The following SYT16 variants were observed in gnomAD, a reference collection of about 807,000 sequenced individuals.
The protein encoded by SYT16 is synaptotagmin-16.
In SYT16, 42 loss-of-function variants were observed where a neutral mutation model predicts 61.4. The ratio of observed to expected loss-of-function variants is 0.68; its 90% CI spans 0.53 to 0.89. The LOEUF (loss-of-function observed/expected upper bound fraction) is 0.89. Among genes scored for constraint, SYT16 ranks in the 40% least tolerant of loss-of-function variants. SYT16 has a pLI of 0.00. For synonymous variants in SYT16, 314 were observed against 302.3 expected, an observed-to-expected ratio of 1.04 and a Z score of -0.40; for missense variants, 804 against 807.3, an observed-to-expected ratio of 1.00 and a Z score of 0.05.
At chr14:62,049,616 A>G (rs914797945) in intron 3 of SYT16, among the ~76,000 whole-genome samples, 33 of 152,128 alleles carry the variant, frequency 2.2e-4, no homozygotes, top group African/African-American at 7.7e-4. Context: ...GGCTGGTACC[A>G]CTTGTTCCTT....
intron 5 of SYT16, among the ~76,000 whole-genome samples, chr14:62,076,417 G>C (rs546406215): frequency 6.6e-6 from 1 of 151,450 alleles, no homozygotes; most frequent in African/African-American, 2.4e-5. Context: ...AGGACTTGGA[G>C]TGTCACACAC....
chr14:62,062,802 C>T (rs532716708), intron 3 of SYT16, among the ~76,000 whole-genome samples: 6 of 152,224 alleles, frequency 3.9e-5, no homozygotes, highest in South Asian at 2.1e-4. Flanking sequence ...AAGTAGCACT[C>T]GGGTACTGCA....
At chr14:62,045,920 C>T (rs2054960189) in intron 3 of SYT16, among the ~76,000 whole-genome samples, 1 of 152,130 alleles carries the variant, frequency 6.6e-6, no homozygotes, top group Non-Finnish European at 1.5e-5. Context: ...CATACGTGTG[C>T]CTGTGTCTTT....
At chr14:61,903,264 CTT>C (rs57869503) in intron 1 of SYT16, among the ~76,000 whole-genome samples, 18 of 144,228 alleles carry the variant, frequency 1.2e-4, no homozygotes, top group Middle Eastern at 3.5e-3. Flanking sequence ...TTCATTATGT[CTT>C]TTTTTTTTTT....
intron 3 of SYT16, among the ~76,000 whole-genome samples, chr14:62,011,319 T>C (rs2053441220): frequency 6.6e-6 from 1 of 152,116 alleles, no homozygotes; most frequent in Non-Finnish European, 1.5e-5. Context: ...TCAAGCTCCA[T>C]GTGTGGTCAG....
intron 1 of SYT16, among the ~76,000 whole-genome samples, chr14:61,931,820 A>G (rs897479088): frequency 2.0e-5 from 3 of 152,198 alleles, no homozygotes; most frequent in Non-Finnish European, 4.4e-5. Flanking sequence ...TTACATATGT[A>G]TACATGTGCC....
intron 1 of SYT16, among the ~76,000 whole-genome samples, chr14:61,886,958 C>T (rs1407712381): frequency 1.4e-5 from 2 of 139,684 alleles, no homozygotes; most frequent in African/African-American, 2.7e-5. Flanking sequence ...AGGCAGGTCT[C>T]GAACTCCTGG....
At chr14:61,913,630 T>C (rs1255900676) in intron 1 of SYT16, among the ~76,000 whole-genome samples, 3 of 152,038 alleles carry the variant, frequency 2.0e-5, no homozygotes, top group Non-Finnish European at 4.4e-5. Flanking sequence ...TTATGGACAC[T>C]GGACTGTATT....
At chr14:61,907,592 T>C (rs902371536) in intron 1 of SYT16, among the ~76,000 whole-genome samples, 8 of 152,198 alleles carry the variant, frequency 5.3e-5, no homozygotes, top group Non-Finnish European at 8.8e-5. Context: ...TTGCTCACCG[T>C]GTGGGCCTCT....
chr14:62,083,878 T>C (rs1215656991), intron 6 of SYT16, among the ~76,000 whole-genome samples: 1 of 152,176 alleles, frequency 6.6e-6, no homozygotes, highest in Non-Finnish European at 1.5e-5. Flanking sequence ...TGAGTCTATA[T>C]TGAATGTATT....
chr14:61,912,183 T>C (rs542925243), intron 1 of SYT16, among the ~76,000 whole-genome samples: 3 of 152,360 alleles, frequency 2.0e-5, no homozygotes, highest in Middle Eastern at 3.4e-3. Context: ...GCTGGGAGAC[T>C]AAGAATTTAT....
At chr14:62,000,099 A>ATTTTTTTTTTTTT in intron 3 of SYT16, among the ~76,000 whole-genome samples, 4 of 18,952 alleles carry the variant, frequency 2.1e-4, no homozygotes, top group African/African-American at 2.8e-4. Context: ...TTGTCTCTCG[A>ATTTTTTTTTTTTT]TTTTTTTTTT....
intron 3 of SYT16, among the ~76,000 whole-genome samples, chr14:62,059,670 C>A (rs374182147): frequency 6.1e-5 from 7 of 114,354 alleles, no homozygotes; most frequent in Non-Finnish European, 1.1e-4. Context: ...GTAATTGATA[C>A]ATATATATAA....
chr14:62,056,147 G>A (rs1000841673), intron 3 of SYT16, among the ~76,000 whole-genome samples: 12 of 151,692 alleles, frequency 7.9e-5, no homozygotes, highest in East Asian at 1.9e-4. Flanking sequence ...AATGATCAAC[G>A]TAAAATAGAT....
intron 1 of SYT16, among the ~76,000 whole-genome samples, chr14:61,948,459 G>A (rs2050536767): frequency 6.6e-6 from 1 of 151,898 alleles, no homozygotes; most frequent in Non-Finnish European, 1.5e-5. Context: ...AGGACAACCT[G>A]AAACTGGAGG....
chr14:61,921,822 C>G (rs1431784181), intron 1 of SYT16, among the ~76,000 whole-genome samples: 1 of 152,130 alleles, frequency 6.6e-6, no homozygotes, highest in Non-Finnish European at 1.5e-5. Context: ...AAAGCACATG[C>G]CCTATTGGAA....
chr14:61,950,971 G>T (rs917513672), intron 1 of SYT16, among the ~76,000 whole-genome samples: 10 of 152,134 alleles, frequency 6.6e-5, no homozygotes, highest in Non-Finnish European at 1.2e-4. Context: ...ATAGATAAAG[G>T]ATGCCGATTT....
At position 62,109,605 on chromosome 14, in the gene SYT16, C is replaced by T. The variant is rs1434026731; in HGVS notation, c.*8898C>T. 1.3e-5 allele frequency: 2 copies of T among 152,006 alleles called. No individual in the cohort carries two copies. Among genetic ancestry groups the T allele is most frequent in the African/African-American group, 4.8e-5 (2 of 41,396 alleles). The allele number at this position is 152,006 out of a possible 1,614,324, so 9.4% of individuals were successfully genotyped here. A position where few individuals can be genotyped will look rare whatever the true frequency, so the allele number is the denominator to read the frequency against. Reference sequence around the variant, plus strand: ...GATTTATGAAAAAATATAATAATTTCATAATTTATATTACCCTATCTATGA... The same window carrying T: ...GATTTATGAAAAAATATAATAATTTTATAATTTATATTACCCTATCTATGA... On this transcript the variant is annotated 3_prime_UTR_variant, in exon 8 of 8. Transcript: ENST00000683842.
At chr14:61,821,715 CTCT>C (rs1441286157) in intron 1 of SYT16, among the ~76,000 whole-genome samples, 1 of 152,218 alleles carries the variant, frequency 6.6e-6, no homozygotes, top group Non-Finnish European at 1.5e-5. Flanking sequence ...TTGCTGTATT[CTCT>C]TGGCTAGTAG....
Sources: gnomAD v4.1 joint callset for allele counts (sites outside exome capture counted in the v4.1 genomes callset) on GRCh38, gnomAD v4.1.1 for gene constraint, MANE v1.5 for transcripts, NCBI Gene and HGNC (gene_info 2026-07-23, HGNC 2026-07-21) for gene names.